The following INPP4B variants were observed in gnomAD, a reference collection of about 807,000 sequenced individuals.
The protein encoded by INPP4B is inositol polyphosphate 4-phosphatase type II.
In INPP4B, 55 loss-of-function variants were observed where a neutral mutation model predicts 122.5. The observed-to-expected ratio is 0.45, with a 90% CI of 0.36 to 0.56. The LOEUF (loss-of-function observed/expected upper bound fraction) is 0.56. Among genes scored for constraint, INPP4B ranks in the 20% least tolerant of loss-of-function variants. INPP4B has a pLI of 0.00. For missense variants in INPP4B, 1,000 were observed against 1,097.7 expected (o/e 0.91, Z 1.26); for synonymous variants, 403 against 388.7 (o/e 1.04, Z -0.43).
intron 12 of INPP4B, among the ~76,000 whole-genome samples, chr4:142,221,954 T>C (rs760201375): frequency 2.6e-5 from 4 of 152,246 alleles, no homozygotes; most frequent in South Asian, 2.1e-4. Context: ...ACTATTTCTG[T>C]TCTTGTTTTT....
At chr4:142,449,698 C>CAAAAAAAAA (rs761552688) in intron 3 of INPP4B, among the ~76,000 whole-genome samples, 1 of 105,252 alleles carries the variant, frequency 9.5e-6, no homozygotes, top group African/African-American at 3.3e-5. Flanking sequence ...GACTCTGTCC[C>CAAAAAAAAA]AAAAAAAAAA....
At chr4:142,365,219 G>A (rs991044488) in intron 7 of INPP4B, among the ~76,000 whole-genome samples, 4 of 152,084 alleles carry the variant, frequency 2.6e-5, no homozygotes, top group Non-Finnish European at 5.9e-5. Flanking sequence ...CAGCTGGGAG[G>A]AGGAATTTGA....
chr4:142,624,269 G>A (rs1218975469), intron 2 of INPP4B, among the ~76,000 whole-genome samples: 1 of 151,810 alleles, frequency 6.6e-6, no homozygotes, highest in Admixed American at 6.6e-5. Flanking sequence ...TCTAACTGGT[G>A]TGAGATGGTA....
At chr4:142,653,859 C>T (rs972277016) in intron 2 of INPP4B, among the ~76,000 whole-genome samples, 4 of 152,118 alleles carry the variant, frequency 2.6e-5, no homozygotes, top group South Asian at 2.1e-4. Context: ...ACCCAGCGAT[C>T]GCATTCCTGG....
chr4:142,087,822 T>C (rs1466933118), intron 23 of INPP4B, among the ~76,000 whole-genome samples: 1 of 152,192 alleles, frequency 6.6e-6, no homozygotes. Flanking sequence ...CAGTGAACTA[T>C]ACTAGTGATA....
At chr4:142,211,460 A>G (rs1561495804) in intron 12 of INPP4B, among the ~76,000 whole-genome samples, 1 of 152,148 alleles carries the variant, frequency 6.6e-6, no homozygotes, top group Non-Finnish European at 1.5e-5. Flanking sequence ...TGGCATCTCA[A>G]TTCAGATTCT....
At chr4:142,841,394 T>A (rs72728700) in intron 1 of INPP4B, among the ~76,000 whole-genome samples, 44,303 of 151,782 alleles carry the variant, frequency 0.29, 6,625 homozygotes, top group South Asian at 0.35. Context: ...CAAAGCCCCA[T>A]GAAAATGAAT....
At chr4:142,476,565 A>G (rs948058544) in intron 2 of INPP4B, among the ~76,000 whole-genome samples, 3 of 152,214 alleles carry the variant, frequency 2.0e-5, no homozygotes, top group African/African-American at 7.2e-5. Flanking sequence ...TGTCTACAAG[A>G]GACCCATCTC....
chr4:142,160,645 G>A, intron 16 of INPP4B, 84 bp from the exon 17 acceptor site: 1 of 975,858 alleles, frequency 1.0e-6, no homozygotes, highest in South Asian at 1.9e-5. Context: ...CAGATTTGTT[G>A]GTACTTAAGT....
rs1736116918 is a variant in INPP4B, at chr4:142,023,559, A to T, written c.*5223T>A. ...ATATTTTTAATGTTGATAGTGACATAAAAACATCACAAGAATTATCTAGAT... is the reference window on the plus strand; with the variant it reads ...ATATTTTTAATGTTGATAGTGACATTAAAACATCACAAGAATTATCTAGAT... On this transcript the variant is annotated 3_prime_UTR_variant, in exon 26 of 26. Coordinates refer to ENST00000262992, the MANE Select transcript of INPP4B (RefSeq NM_001101669.3). 6.6e-6 allele frequency: 1 copy of T among 152,204 alleles called. No homozygotes were observed. The highest frequency in any genetic ancestry group is 1.5e-5 in the Non-Finnish European group (1 of 68,026). The allele number at this position is 152,204 out of a possible 1,614,324, so 9.4% of individuals were successfully genotyped here. A position where few individuals can be genotyped will look rare whatever the true frequency, so the allele number is the denominator to read the frequency against.
At chr4:142,188,518 A>ATATATATATATATAT (rs1363710453) in intron 15 of INPP4B, among the ~76,000 whole-genome samples, 189 of 105,078 alleles carry the variant, frequency 1.8e-3, no homozygotes, top group Non-Finnish European at 2.8e-3. Context: ...AAAGAAAAAA[A>ATATATATATATATAT]ATATATATAG....
intron 2 of INPP4B, among the ~76,000 whole-genome samples, chr4:142,464,032 T>C (rs757524337): frequency 2.6e-5 from 4 of 152,148 alleles, no homozygotes; most frequent in African/African-American, 9.7e-5. Flanking sequence ...ATTATTATTA[T>C]ATAGAGAGAA....
intron 2 of INPP4B, among the ~76,000 whole-genome samples, chr4:142,618,347 T>G (rs1744141986): frequency 6.6e-6 from 1 of 152,088 alleles, no homozygotes; most frequent in Admixed American, 6.6e-5. Flanking sequence ...AAAGCTATTC[T>G]AATTAAAACA....
At chr4:142,280,754 C>G (rs570151258) in intron 9 of INPP4B, among the ~76,000 whole-genome samples, 1 of 152,088 alleles carries the variant, frequency 6.6e-6, no homozygotes, top group African/African-American at 2.4e-5. Context: ...AAAAATCGCA[C>G]AGCCATTTAG....
chr4:142,404,763 C>T (rs187002714), intron 6 of INPP4B, among the ~76,000 whole-genome samples: 2 of 151,930 alleles, frequency 1.3e-5, no homozygotes, highest in Non-Finnish European at 2.9e-5. Context: ...AAGCAAAAAC[C>T]CTTAACATGT....
In INPP4B at chr4:142,548,615, C is replaced by T. The variant is rs559836269; in HGVS notation, c.-190-85889G>A. ...ACCTCAGTATGAAACAGTCATTTTG[C>T]TCAATTGTTTTGTAGATACAATAGA... On this transcript the variant is annotated intron_variant, in intron 2 of 25. Coordinates refer to ENST00000262992, the MANE Select transcript of INPP4B (RefSeq NM_001101669.3). Among the ~76,000 whole-genome samples, 8 of 152,014 alleles carry T rather than the reference C, an allele frequency of 5.3e-5. No individual in the cohort carries two copies. The East Asian group carries it at 1.5e-3, about 29-fold the overall frequency.
At chr4:142,831,905 C>G (rs566253190) in intron 1 of INPP4B, among the ~76,000 whole-genome samples, 31 of 152,180 alleles carry the variant, frequency 2.0e-4, no homozygotes, top group Admixed American at 1.2e-3. Flanking sequence ...GTATAAATTC[C>G]CATGGTATCT....
chr4:142,639,033 T>C (rs992745104), intron 2 of INPP4B, among the ~76,000 whole-genome samples: 4 of 152,208 alleles, frequency 2.6e-5, no homozygotes, highest in African/African-American at 9.6e-5. Flanking sequence ...TCTAATGACA[T>C]GATCATATGG....
intron 1 of INPP4B, among the ~76,000 whole-genome samples, chr4:142,780,976 A>T (rs1349004467): frequency 1.3e-5 from 2 of 152,138 alleles, no homozygotes; most frequent in African/African-American, 2.4e-5. Flanking sequence ...TTATCTCAAG[A>T]CCTTAGACGC....
Sources: gnomAD v4.1 joint callset for allele counts (sites outside exome capture counted in the v4.1 genomes callset) on GRCh38, gnomAD v4.1.1 for gene constraint, MANE v1.5 for transcripts, NCBI Gene and HGNC (gene_info 2026-07-23, HGNC 2026-07-21) for gene names.